The following TRIM36 variants were observed in gnomAD, a reference collection of about 807,000 sequenced individuals.
TRIM36 encodes E3 ubiquitin-protein ligase TRIM36.
TRIM36 carries 42 observed loss-of-function variants against 72.4 expected under a neutral mutation model. The observed-to-expected ratio is 0.58, with a 90% CI of 0.45 to 0.75. The LOEUF is 0.75. Ranked by LOEUF, TRIM36 falls within the 30% of genes least tolerant of loss-of-function variation. The pLI, the probability that TRIM36 is intolerant of heterozygous loss-of-function variation, is 0.00. For missense variants in TRIM36, 913 were observed against 857.1 expected (o/e 1.07, Z -0.81); for synonymous variants, 315 against 282.8 (o/e 1.11, Z -1.14).
intron 5 of TRIM36, among the ~76,000 whole-genome samples, 159 bp from the exon 6 acceptor site, chr5:115,137,775 G>GA (rs542150655): frequency 7.3e-4 from 111 of 152,142 alleles, no homozygotes; most frequent in African/African-American, 2.5e-3. Flanking sequence ...ATATTATAAA[G>GA]AAAAAAGTTT....
intron 2 of TRIM36, among the ~76,000 whole-genome samples, chr5:115,159,165 T>G (rs921563740): frequency 3.3e-5 from 5 of 152,204 alleles, no homozygotes; most frequent in African/African-American, 1.2e-4. Flanking sequence ...TGATGCCAAG[T>G]ACTTTAAAAC....
chr5:115,170,107 G>T, upstream of TRIM36: 1 of 374,968 alleles, frequency 2.7e-6, no homozygotes, highest in Non-Finnish European at 3.7e-6. Context: ...GGGACTCGGC[G>T]CCCTCCGCCG....
chr5:115,177,708 C>G, intron 1 of TRIM36: 1 of 1,613,854 alleles, frequency 6.2e-7, no homozygotes, highest in Non-Finnish European at 8.5e-7. Flanking sequence ...TCCAGACCAA[C>G]TCTCCCCCTC....
chr5:115,179,966 A>C (rs1428326860), intron 1 of TRIM36: 4 of 1,613,700 alleles, frequency 2.5e-6, no homozygotes, highest in Non-Finnish European at 3.4e-6. Flanking sequence ...CCCGCGCCTC[A>C]TCACTTACCT....
intron 2 of TRIM36, among the ~76,000 whole-genome samples, chr5:115,154,269 T>C (rs538650695): frequency 4.9e-4 from 74 of 150,836 alleles, no homozygotes; most frequent in South Asian, 3.1e-3. Context: ...AGGATACCCC[T>C]CTAGAAACCA....
intron 5 of TRIM36, among the ~76,000 whole-genome samples, chr5:115,140,837 T>A (rs1007143776): frequency 6.6e-6 from 1 of 152,194 alleles, no homozygotes; most frequent in African/African-American, 2.4e-5. Flanking sequence ...CATTCTAATA[T>A]ATGTCTTTTG....
Position 115,148,057 on chromosome 5 carries a change from C to A in TRIM36, c.263-663G>T, listed in dbSNP as rs1047934319. Reference sequence around the variant, plus strand: ...TCTGGAAAAATTCAGTAGGGAAGATCATTAGTTAATTGAGTGCAATCTATA... The same window carrying A: ...TCTGGAAAAATTCAGTAGGGAAGATAATTAGTTAATTGAGTGCAATCTATA... On this transcript the variant is annotated intron_variant, in intron 2 of 9. Transcript: ENST00000513154. 4.1e-4 allele frequency among the ~76,000 whole-genome samples: 62 copies of A among 152,276 alleles called. No homozygotes were observed. The South Asian group carries it at 0.012, about 30-fold the overall frequency.
chr5:115,171,300 T>G, upstream of TRIM36: 3 of 1,584,048 alleles, frequency 1.9e-6, no homozygotes, highest in Non-Finnish European at 1.7e-6. Context: ...CATTTACAGA[T>G]GAGGTGAACA....
chr5:115,147,910 A>G (rs1753680419), intron 2 of TRIM36, among the ~76,000 whole-genome samples: 1 of 152,238 alleles, frequency 6.6e-6, no homozygotes, highest in African/African-American at 2.4e-5. Context: ...CCACCTATAT[A>G]CATATACATA....
intron 2 of TRIM36, among the ~76,000 whole-genome samples, chr5:115,152,310 C>T (rs1007509574): frequency 2.0e-5 from 3 of 151,982 alleles, no homozygotes. Flanking sequence ...TAACCCAATC[C>T]AACAAAGACA....
Position 115,126,743 on chromosome 5 carries a change from A to G in TRIM36, c.1911T>C (p.Pro637=). The G allele has an allele frequency of 1.9e-6, 3 of 1,614,172 alleles. No individual in the cohort carries two copies. In the African/African-American group the frequency reaches 4.0e-5, roughly 22 times the overall value. ...TATTTTCAGGTTCATTAGAAGAAGT[A>G]GGTGACTTGGGTATAAAAAATTTCT... ...GMQKFFIPKS[P]TSSNEPENRV... is the part of the protein sequence containing the mutation. Residue 637 remains proline (P), a synonymous_variant, in exon 10 of 10, where the codon CCT becomes CCC. Coordinates refer to ENST00000513154, the MANE Select transcript of TRIM36 (RefSeq NM_001300759.2).
At chr5:115,157,129 T>C (rs1357287365) in intron 2 of TRIM36, among the ~76,000 whole-genome samples, 1 of 151,054 alleles carries the variant, frequency 6.6e-6, no homozygotes, top group Non-Finnish European at 1.5e-5. Context: ...ACCTTACTCC[T>C]GCAAGAATGG....
intron 1 of TRIM36, among the ~76,000 whole-genome samples, chr5:115,168,413 A>G (rs1754907484): frequency 6.6e-6 from 1 of 152,240 alleles, no homozygotes; most frequent in Admixed American, 6.5e-5. Flanking sequence ...TTTTAAAGAC[A>G]GCCCAACTTC....
intron 1 of TRIM36, among the ~76,000 whole-genome samples, chr5:115,166,690 T>A (rs1384246142): frequency 6.6e-6 from 1 of 152,152 alleles, no homozygotes; most frequent in Non-Finnish European, 1.5e-5. Context: ...TGGGTGACGA[T>A]GAGGAGACAA....
upstream of TRIM36, chr5:115,174,030 G>C (rs540288786): frequency 2.0e-5 from 3 of 152,294 alleles, no homozygotes; most frequent in Middle Eastern, 0.01. Flanking sequence ...TTCAGGCTTT[G>C]ATAAAACAGA....
upstream of TRIM36, among the ~76,000 whole-genome samples, chr5:115,170,218 G>C (rs1755036613): frequency 6.6e-6 from 1 of 151,474 alleles, no homozygotes; most frequent in African/African-American, 2.4e-5. Context: ...TGAGGGCAGC[G>C]GGGAGCGGTG....
intron 2 of TRIM36, among the ~76,000 whole-genome samples, chr5:115,160,220 A>G (rs1259420772): frequency 6.6e-6 from 1 of 152,138 alleles, no homozygotes; most frequent in Admixed American, 6.6e-5. Context: ...AAAACTGTCA[A>G]AAATCTAATG....
At chr5:115,176,369 G>A (rs960246250) in intron 1 of TRIM36, among the ~76,000 whole-genome samples, 2 of 152,050 alleles carry the variant, frequency 1.3e-5, no homozygotes, top group African/African-American at 4.8e-5. Flanking sequence ...GGTAAAGTTT[G>A]TGTTTGTAAA....
chr5:115,133,772 G>A (rs908168761), intron 8 of TRIM36, 88 bp downstream of exon 8: 1 of 1,350,018 alleles, frequency 7.4e-7, no homozygotes, highest in Non-Finnish European at 1.0e-6. Flanking sequence ...TTTCAGTGCA[G>A]GTCTACATGG....
Sources: allele counts gnomAD v4.1 joint callset (sites outside exome capture counted in the v4.1 genomes callset), GRCh38; gene constraint gnomAD v4.1.1; transcripts MANE v1.5; gene names NCBI Gene and HGNC (gene_info 2026-07-23, HGNC 2026-07-21).